The following HECW2 variants were observed in gnomAD, a reference collection of about 807,000 sequenced individuals.
The protein encoded by HECW2 is HECT, C2 and WW domain containing E3 ubiquitin protein ligase 2, also known as E3 ubiquitin-protein ligase HECW2.
In HECW2, 61 loss-of-function variants were observed where a neutral mutation model predicts 175.2. That is an observed-to-expected ratio of 0.35 (90% CI 0.28 to 0.43). The LOEUF (loss-of-function observed/expected upper bound fraction) is 0.43, where lower values mean the gene tolerates loss of function less well. Among genes scored for constraint, HECW2 ranks in the 20% least tolerant of loss-of-function variants. The pLI is 1.00. For missense variants in HECW2, 1,524 were observed against 2,000.5 expected (o/e 0.76, Z 4.54); for synonymous variants, 671 against 731.0 (o/e 0.92, Z 1.32).
intron 1 of HECW2, among the ~76,000 whole-genome samples, chr2:196,483,094 TAAAAAAAAAAA>T (rs370614949): frequency 3.6e-5 from 4 of 110,426 alleles, no homozygotes; most frequent in South Asian, 3.0e-4. Context: ...TTCATAGTTG[TAAAAAAAAAAA>T]AAAAAAAAAG....
At chr2:196,503,167 G>A (rs533047016) in intron 1 of HECW2, among the ~76,000 whole-genome samples, 7 of 152,258 alleles carry the variant, frequency 4.6e-5, no homozygotes, top group African/African-American at 1.7e-4. Flanking sequence ...CCTTGGGACT[G>A]AGAGTGTGTA....
At chr2:196,386,674 C>T (rs1298099642) in intron 2 of HECW2, among the ~76,000 whole-genome samples, 3 of 152,188 alleles carry the variant, frequency 2.0e-5, no homozygotes, top group Non-Finnish European at 2.9e-5. Flanking sequence ...AAGACCATCT[C>T]CTTCCTAGGC....
chr2:196,466,057 C>T (rs556055832), intron 1 of HECW2, among the ~76,000 whole-genome samples: 3 of 152,262 alleles, frequency 2.0e-5, no homozygotes, highest in South Asian at 4.1e-4. Flanking sequence ...TTTTTAGAAA[C>T]GACCATATTT....
intron 1 of HECW2, among the ~76,000 whole-genome samples, chr2:196,532,298 A>AC (rs1688865919): frequency 6.6e-6 from 1 of 152,260 alleles, no homozygotes; most frequent in Non-Finnish European, 1.5e-5. Context: ...CTATGCAGCC[A>AC]TAAAAAAGGA....
At chr2:196,322,156 A>T (rs548085637) in intron 7 of HECW2, among the ~76,000 whole-genome samples, 55 of 152,190 alleles carry the variant, frequency 3.6e-4, no homozygotes, top group Non-Finnish European at 6.8e-4. Flanking sequence ...CATCAACCTG[A>T]TCCAAGAATT....
chr2:196,540,918 T>C (rs1177290436), intron 1 of HECW2, among the ~76,000 whole-genome samples: 2 of 152,178 alleles, frequency 1.3e-5, no homozygotes, highest in African/African-American at 2.4e-5. Context: ...TATCAGGAAC[T>C]AGAAAGAAAA....
chr2:196,464,779 C>T (rs377340270), intron 1 of HECW2, among the ~76,000 whole-genome samples: 4 of 152,264 alleles, frequency 2.6e-5, no homozygotes, highest in East Asian at 3.9e-4. Context: ...CGGTGGCTCA[C>T]GCCTGTAATC....
intron 3 of HECW2, 152 bp downstream of exon 3, chr2:196,343,505 G>C: frequency 1.8e-6 from 1 of 571,426 alleles, no homozygotes; most frequent in Non-Finnish European, 3.1e-6. Context: ...TCTTTACTGA[G>C]CATTTTCTAA....
At chr2:196,275,576 A>T (rs908564012) in intron 15 of HECW2, among the ~76,000 whole-genome samples, 3 of 152,088 alleles carry the variant, frequency 2.0e-5, no homozygotes, top group African/African-American at 4.8e-5. Flanking sequence ...ACATGGTGAA[A>T]CCCCATCTCT....
chr2:196,292,724 G>A lies in HECW2; in HGVS notation c.2841C>T (p.Asn947=), dbSNP rs1690649601. Residue 947 remains asparagine, a synonymous_variant, in exon 14 of 29, where the codon AAC becomes AAT. Transcript: ENST00000644978. ...TGGTGATCATGTGCTTCAAACACGT[G>A]TTGTTTGTAAACATGCGGTAGGCAC... ...NPSAYRMFTN[N]TCLKHMITKV... 1 of 1,613,482 alleles carries A rather than the reference G, an allele frequency of 6.2e-7. No individual in the cohort carries two copies. The highest frequency in any genetic ancestry group is 1.7e-5 in the Admixed American group (1 of 59,978).
At chr2:196,553,755 G>T (rs1689687635) in intron 1 of HECW2, among the ~76,000 whole-genome samples, 1 of 152,198 alleles carries the variant, frequency 6.6e-6, no homozygotes. Context: ...TTATAGAATT[G>T]TATACTGAAC....
intron 1 of HECW2, among the ~76,000 whole-genome samples, chr2:196,442,892 T>C (rs1450854076): frequency 2.0e-5 from 3 of 152,206 alleles, no homozygotes; most frequent in Non-Finnish European, 4.4e-5. Flanking sequence ...ATTTATTTAT[T>C]ACAATAAATG....
chr2:196,430,248 A>G (rs924833694), intron 2 of HECW2, among the ~76,000 whole-genome samples: 3 of 152,232 alleles, frequency 2.0e-5, no homozygotes, highest in African/African-American at 7.2e-5. Flanking sequence ...CCAGTCTAAC[A>G]AAGTGTAAAA....
At chr2:196,516,159 A>C (rs929228781) in intron 1 of HECW2, among the ~76,000 whole-genome samples, 4 of 152,136 alleles carry the variant, frequency 2.6e-5, no homozygotes, top group Non-Finnish European at 5.9e-5. Context: ...AAAACAAAAC[A>C]AAAACCTGAA....
chr2:196,580,744 A>C (rs1690748466), intron 1 of HECW2, among the ~76,000 whole-genome samples: 1 of 152,030 alleles, frequency 6.6e-6, no homozygotes, highest in Admixed American at 6.6e-5. Context: ...ACTTTCTGTT[A>C]ATCAGGTCCT....
At chr2:196,275,993 A>T (rs956461362) in intron 15 of HECW2, among the ~76,000 whole-genome samples, 1 of 152,196 alleles carries the variant, frequency 6.6e-6, no homozygotes, top group African/African-American at 2.4e-5. Context: ...AGGAATGAAT[A>T]CAGCTATTCT....
intron 1 of HECW2, among the ~76,000 whole-genome samples, chr2:196,466,861 G>A (rs1696974676): frequency 6.6e-6 from 1 of 152,198 alleles, no homozygotes; most frequent in Non-Finnish European, 1.5e-5. Flanking sequence ...TCTATGATGA[G>A]AGTGATAAAG....
chr2:196,276,760 T>C (rs111366139), intron 15 of HECW2, among the ~76,000 whole-genome samples: 2,435 of 152,318 alleles, frequency 0.016, 66 homozygotes, highest in African/African-American at 0.056. Flanking sequence ...AATATATTTG[T>C]ATATCATTTT....
At chr2:196,566,535 T>C (rs1690194456) in intron 1 of HECW2, among the ~76,000 whole-genome samples, 2 of 128,774 alleles carry the variant, frequency 1.6e-5, no homozygotes, top group African/African-American at 7.5e-5. Context: ...TTTCTTTTTC[T>C]TTTTTTTTTT....
Sources: allele counts gnomAD v4.1 joint callset (sites outside exome capture counted in the v4.1 genomes callset), GRCh38; gene constraint gnomAD v4.1.1; transcripts MANE v1.5; gene names NCBI Gene and HGNC (gene_info 2026-07-23, HGNC 2026-07-21).